The following GRIA4 variants were observed in gnomAD, a reference collection of about 807,000 sequenced individuals.
GRIA4 encodes the protein glutamate receptor 4.
A neutral mutation model predicts 104.0 loss-of-function variants in GRIA4; 34 were observed. That is an observed-to-expected ratio of 0.33 (90% CI 0.25 to 0.44). The LOEUF (loss-of-function observed/expected upper bound fraction) is 0.44. Among genes scored for constraint, GRIA4 ranks in the 20% least tolerant of loss-of-function variants. The pLI is 1.00. For missense variants in GRIA4, 750 were observed against 1,096.5 expected (o/e 0.68, Z 4.46); for synonymous variants, 386 against 381.9 (o/e 1.01, Z -0.13).
chr11:105,733,123 A>G (rs1232664342), intron 3 of GRIA4, among the ~76,000 whole-genome samples: 1 of 152,188 alleles, frequency 6.6e-6, no homozygotes, highest in Non-Finnish European at 1.5e-5. Flanking sequence ...CATATACCTG[A>G]AAGCATTATT....
intron 3 of GRIA4, among the ~76,000 whole-genome samples, chr11:105,660,560 T>C (rs1269809092): frequency 1.3e-5 from 2 of 151,570 alleles, no homozygotes; most frequent in African/African-American, 2.4e-5. Flanking sequence ...AAAATGAAGG[T>C]ATGGGGTTCA....
At position 105,981,644 on chromosome 11, in the gene GRIA4, T is replaced by C. The variant is rs1859256413; in HGVS notation, c.*1905T>C. 1 of 150,634 alleles carries C rather than the reference T, an allele frequency of 6.6e-6. No homozygotes were observed. 9.3% of individuals were successfully genotyped at this position (150,634 alleles called of 1,614,324 possible). On this transcript the variant is annotated 3_prime_UTR_variant, in exon 17 of 17. Coordinates refer to ENST00000282499, the MANE Select transcript of GRIA4 (RefSeq NM_000829.4). Reference sequence around the variant, plus strand: ...TGAGAAGATCACATGAGCCCCTTCATGACCTGGCGCTTGCTTATTTCTTCC... The same window carrying C: ...TGAGAAGATCACATGAGCCCCTTCACGACCTGGCGCTTGCTTATTTCTTCC...
intron 14 of GRIA4, among the ~76,000 whole-genome samples, chr11:105,937,968 CACGGCAGGGGGAGGAAAT>C (rs537064395): frequency 3.7e-4 from 56 of 152,114 alleles, no homozygotes; most frequent in Non-Finnish European, 6.9e-4. Flanking sequence ...ACAGCAATAG[CACGGCAGGGGGAGGAAAT>C]ACTCAGCATG....
chr11:105,977,461 A>G (rs1310714750), intron 16 of GRIA4, among the ~76,000 whole-genome samples: 2 of 152,016 alleles, frequency 1.3e-5, no homozygotes. Context: ...TTTCATCAGC[A>G]TATGACTTTA....
chr11:105,910,269 G>T (rs886331856), intron 9 of GRIA4, among the ~76,000 whole-genome samples, 166 bp from the exon 10 acceptor site: 1 of 152,014 alleles, frequency 6.6e-6, no homozygotes, highest in African/African-American at 2.4e-5. Flanking sequence ...ACTGACTCAT[G>T]AGCAAGTAAG....
chr11:105,676,888 C>A (rs576282907), intron 3 of GRIA4, among the ~76,000 whole-genome samples: 1 of 151,776 alleles, frequency 6.6e-6, no homozygotes, highest in African/African-American at 2.4e-5. Context: ...GTGTTACCTT[C>A]AAAAGTGTGT....
chr11:105,711,909 A>C (rs745668140), intron 3 of GRIA4, among the ~76,000 whole-genome samples: 6 of 152,184 alleles, frequency 3.9e-5, no homozygotes, highest in Non-Finnish European at 5.9e-5. Flanking sequence ...CCCTCTGGAA[A>C]TGTGAATACC....
intron 3 of GRIA4, among the ~76,000 whole-genome samples, chr11:105,617,537 G>A (rs887921053): frequency 6.6e-6 from 1 of 151,970 alleles, no homozygotes; most frequent in African/African-American, 2.4e-5. Flanking sequence ...GAAAGAAAAA[G>A]GAATTGCCAT....
chr11:105,853,010 T>C (rs1440637626), intron 4 of GRIA4, among the ~76,000 whole-genome samples: 2 of 150,048 alleles, frequency 1.3e-5, no homozygotes, highest in Non-Finnish European at 3.0e-5. Context: ...TGATACTTAA[T>C]ATGTTGTGTA....
chr11:105,871,846 C>T (rs1775179787), intron 5 of GRIA4, among the ~76,000 whole-genome samples: 1 of 151,790 alleles, frequency 6.6e-6, no homozygotes, highest in Non-Finnish European at 1.5e-5. Context: ...AGATTACTTC[C>T]AAAATTATGA....
chr11:105,876,966 T>C (rs751920636), intron 5 of GRIA4, among the ~76,000 whole-genome samples: 5 of 152,220 alleles, frequency 3.3e-5, no homozygotes, highest in Non-Finnish European at 5.9e-5. Flanking sequence ...TGATGCTAGC[T>C]GATTATTTTG....
rs186296941 is a variant in GRIA4, at chr11:105,729,554, A to G, written c.248-23427A>G. Among the ~76,000 whole-genome samples, 377 of 152,292 alleles carry G rather than the reference A, an allele frequency of 2.5e-3. 1 individual carries two copies. Among genetic ancestry groups the G allele is most frequent in the African/African-American group, 8.4e-3 (348 of 41,552 alleles). ...ACCAAAACCTGGCAGAGACACAACA[A>G]AAAAAGAAAATTTCAGGCCAATATA... On this transcript the variant is annotated intron_variant, in intron 3 of 16. Transcript: ENST00000282499.
At chr11:105,679,065 A>C (rs1591548917) in intron 3 of GRIA4, among the ~76,000 whole-genome samples, 1 of 152,144 alleles carries the variant, frequency 6.6e-6, no homozygotes, top group African/African-American at 2.4e-5. Context: ...TAGAAAAAAA[A>C]TCTGGCTCAC....
chr11:105,910,867 A>G (rs1441549788), intron 10 of GRIA4, among the ~76,000 whole-genome samples: 1 of 152,176 alleles, frequency 6.6e-6, no homozygotes, highest in Non-Finnish European at 1.5e-5. Context: ...GCCAAAGGTC[A>G]ACCACCAATC....
At chr11:105,739,995 T>C (rs373854170) in intron 3 of GRIA4, among the ~76,000 whole-genome samples, 59 of 152,258 alleles carry the variant, frequency 3.9e-4, no homozygotes, top group African/African-American at 1.4e-3. Flanking sequence ...TGTTTGACAC[T>C]CAATTCTAGG....
intron 15 of GRIA4, among the ~76,000 whole-genome samples, chr11:105,973,844 A>T (rs1230361297): frequency 6.6e-6 from 1 of 152,144 alleles, no homozygotes; most frequent in African/African-American, 2.4e-5. Flanking sequence ...CTCAACTAGG[A>T]AATGCGGAGT....
intron 3 of GRIA4, among the ~76,000 whole-genome samples, chr11:105,716,443 T>C (rs1954091516): frequency 6.6e-6 from 1 of 152,148 alleles, no homozygotes; most frequent in African/African-American, 2.4e-5. Flanking sequence ...GATAATACAG[T>C]GGTTAAAATG....
chr11:105,724,130 C>G (rs778590667), intron 3 of GRIA4, among the ~76,000 whole-genome samples: 18 of 151,994 alleles, frequency 1.2e-4, no homozygotes, highest in Non-Finnish European at 2.4e-4. Context: ...AAAACCAGAA[C>G]TACCGTTCAA....
intron 3 of GRIA4, among the ~76,000 whole-genome samples, chr11:105,673,199 C>T (rs2135443794): frequency 6.6e-6 from 1 of 152,214 alleles, no homozygotes; most frequent in South Asian, 2.1e-4. Flanking sequence ...TATCATCTTA[C>T]CTACCTCAGT....
Sources: allele counts gnomAD v4.1 joint callset (sites outside exome capture counted in the v4.1 genomes callset), GRCh38; gene constraint gnomAD v4.1.1; transcripts MANE v1.5; gene names NCBI Gene and HGNC (gene_info 2026-07-23, HGNC 2026-07-21).